SDK2: variants seen among roughly 807,000 people sequenced by gnomAD.
SDK2 encodes sidekick cell adhesion molecule 2.
SDK2 carries 105 observed loss-of-function variants against 253.9 expected under a neutral mutation model. The observed-to-expected ratio is 0.41, with a 90% confidence interval of 0.35 to 0.49. SDK2 has a LOEUF of 0.49. SDK2 is among the 20% of genes least tolerant of loss of function. The probability of loss-of-function intolerance (pLI) is 0.06; values close to 1 mark genes in which losing one functional copy is unlikely to be tolerated. For missense variants in SDK2, 2,608 were observed against 3,003.0 expected (o/e 0.87, Z 3.07); for synonymous variants, 1,249 against 1,234.9 (o/e 1.01, Z -0.24).
At chr17:73,560,861 G>A (rs2145851268) in intron 1 of SDK2, among the ~76,000 whole-genome samples, 1 of 152,310 alleles carries the variant, frequency 6.6e-6, no homozygotes, top group Middle Eastern at 3.4e-3. Flanking sequence ...GAGCACACAG[G>A]CTCCTCGACC....
chr17:73,564,832 A>G (rs1743128785), intron 1 of SDK2, among the ~76,000 whole-genome samples: 1 of 132,838 alleles, frequency 7.5e-6, no homozygotes, highest in Non-Finnish European at 1.6e-5. Flanking sequence ...CTGAAAAAAA[A>G]ACAAAAAACA....
At chr17:73,378,561 C>A (rs8069238) in intron 36 of SDK2, among the ~76,000 whole-genome samples, 25,673 of 151,688 alleles carry the variant, frequency 0.17, 3,884 homozygotes, top group African/African-American at 0.41. Flanking sequence ...CTGGGATTAC[C>A]GGTGCCTGCC....
At chr17:73,390,660 C>T (rs544764774) in intron 28 of SDK2, among the ~76,000 whole-genome samples, 179 bp from the exon 29 acceptor site, 45 of 152,340 alleles carry the variant, frequency 3.0e-4, no homozygotes, top group African/African-American at 1.0e-3. Context: ...CTTCAGCTGC[C>T]ACCTGGGGAG....
In SDK2 at chr17:73,609,236, G is replaced by A. The variant is rs1254067700; in HGVS notation, c.64+34789C>T. ...GTGTGAGAGATGGGTCTGGGCTGGA[G>A]GGAATACACATGGGTATCGCAGGCA... On this transcript the variant is annotated intron_variant, in intron 1 of 44. Transcript: ENST00000392650. This position sits in a 1 kb window ranked among gnomAD's most constrained non-coding sequence, Gnocchi z 4.4. Among the ~76,000 whole-genome samples the A allele has an allele frequency of 6.6e-6, 1 of 152,156 alleles. No homozygotes were observed. Among genetic ancestry groups the A allele is most frequent in the Non-Finnish European group, 1.5e-5 (1 of 68,032 alleles).
At chr17:73,505,816 A>G (rs918384521) in intron 2 of SDK2, among the ~76,000 whole-genome samples, 1 of 151,822 alleles carries the variant, frequency 6.6e-6, no homozygotes, top group African/African-American at 2.4e-5. Context: ...CCTCATCATC[A>G]TCATCATCAC....
rs542120475 is a variant in SDK2 at position 73,422,180 on chromosome 17, A to G, written c.2045+107T>C. ...TCCCCTTCTACAGAGGCGGAAGCCTAGAGGGGGCCAGGAGGAGCTGAGCCA... is the reference window on the plus strand; with the variant it reads ...TCCCCTTCTACAGAGGCGGAAGCCTGGAGGGGGCCAGGAGGAGCTGAGCCA... On this transcript the variant is annotated intron_variant, in intron 15 of 44. Coordinates refer to ENST00000392650, the MANE Select transcript of SDK2 (RefSeq NM_001144952.2). The G allele has an allele frequency of 7.1e-6, 9 of 1,264,604 alleles. No individual in the cohort carries two copies. In the South Asian group the frequency reaches 9.6e-5, roughly 14 times the overall value. 78.3% of individuals were successfully genotyped at this position (1,264,604 alleles called of 1,614,324 possible).
intron 3 of SDK2, among the ~76,000 whole-genome samples, chr17:73,457,289 C>A: frequency 2.6e-5 from 1 of 39,072 alleles, no homozygotes; most frequent in Non-Finnish European, 4.2e-5. Flanking sequence ...CTTCCTTCCC[C>A]CCTCCCTCCC....
chr17:73,361,116 T>G lies in SDK2; in HGVS notation c.5467+568A>C, dbSNP rs1010646936. Among the ~76,000 whole-genome samples the G allele has an allele frequency of 6.6e-6, 1 of 151,894 alleles. No individual in the cohort carries two copies. The highest frequency in any genetic ancestry group is 1.5e-5 in the Non-Finnish European group (1 of 67,960). On this transcript the variant is annotated intron_variant, in intron 39 of 44. Transcript: ENST00000392650. The surrounding 1 kb of genome is among the most constrained non-coding windows in gnomAD (Gnocchi z 4.1). Reference sequence around the variant, plus strand: ...ATAGGTGACCTGCTCCATCAGGTGTTTCTCAAGGTGCCACTTTGTCACGGC... The same window carrying G: ...ATAGGTGACCTGCTCCATCAGGTGTGTCTCAAGGTGCCACTTTGTCACGGC...
intron 1 of SDK2, among the ~76,000 whole-genome samples, chr17:73,638,935 A>G (rs1281896266): frequency 1.3e-5 from 2 of 151,076 alleles, no homozygotes; most frequent in African/African-American, 4.9e-5. Flanking sequence ...TCAGTCTCCC[A>G]AGTAGTTTGG....
rs143512878 is a variant in SDK2, at chr17:73,432,827, T to G, written c.1312+905A>C. Among the ~76,000 whole-genome samples the G allele has an allele frequency of 7.1e-3, 1,068 of 149,788 alleles. 13 individuals are homozygous for G. The highest frequency in any genetic ancestry group is 0.065 in the Middle Eastern group (19 of 292). On this transcript the variant is annotated intron_variant, in intron 10 of 44. Transcript: ENST00000392650. ...ATATGTGTGCACATGTGTATGTACG[T>G]GTGCATGTATGTGTGTGCATGTGTG...
intron 1 of SDK2, among the ~76,000 whole-genome samples, chr17:73,592,335 C>T (rs528290421): frequency 1.3e-5 from 2 of 152,206 alleles, no homozygotes; most frequent in Admixed American, 1.3e-4. Context: ...CAGGGTTACA[C>T]CTGTATGATC....
chr17:73,515,022 G>A (rs866257968), intron 1 of SDK2, among the ~76,000 whole-genome samples: 16 of 152,244 alleles, frequency 1.1e-4, no homozygotes, highest in Middle Eastern at 6.8e-3. Flanking sequence ...TCTTGCTGCT[G>A]CCTTTATTCC....
At chr17:73,626,400 C>T (rs188603290) in intron 1 of SDK2, among the ~76,000 whole-genome samples, 34 of 152,346 alleles carry the variant, frequency 2.2e-4, no homozygotes, top group African/African-American at 6.0e-4. Flanking sequence ...TGCACGGCGC[C>T]CAGCTATGCC....
chr17:73,569,783 G>T (rs2045358162), intron 1 of SDK2, among the ~76,000 whole-genome samples: 1 of 152,036 alleles, frequency 6.6e-6, no homozygotes, highest in Admixed American at 6.5e-5. Context: ...TGGTAGATGG[G>T]CGATGAGAAC....
intron 44 of SDK2, 63 bp from the exon 45 acceptor site, chr17:73,339,003 G>A: frequency 1.4e-6 from 2 of 1,434,112 alleles, no homozygotes; most frequent in East Asian, 2.3e-5. Flanking sequence ...TGTGGTTGGG[G>A]CCGGAAGGCA....
At chr17:73,438,221 G>A (rs2063386151) in intron 6 of SDK2, 67 bp from the exon 7 acceptor site, 1 of 1,448,300 alleles carries the variant, frequency 6.9e-7, no homozygotes. Context: ...AGGCAGGGCA[G>A]GGGGTGGTAA....
intron 2 of SDK2, among the ~76,000 whole-genome samples, chr17:73,494,284 G>A (rs997144216): frequency 6.6e-6 from 1 of 152,134 alleles, no homozygotes; most frequent in African/African-American, 2.4e-5. Context: ...TTTCCACTCA[G>A]GGCCACCATG....
At chr17:73,565,608 T>TA (rs57573644) in intron 1 of SDK2, among the ~76,000 whole-genome samples, 59,795 of 152,074 alleles carry the variant, frequency 0.39, 13,041 homozygotes, top group African/African-American at 0.6. Flanking sequence ...ATAAAAAGCA[T>TA]AAAAAGAACC....
intron 1 of SDK2, among the ~76,000 whole-genome samples, chr17:73,584,203 C>T (rs747358892): frequency 6.6e-6 from 1 of 152,176 alleles, no homozygotes; most frequent in Non-Finnish European, 1.5e-5. Context: ...GCCTGGCCGC[C>T]GGGACCTCGC....
Sources: allele counts gnomAD v4.1 joint callset (sites outside exome capture counted in the v4.1 genomes callset), GRCh38; gene constraint gnomAD v4.1.1; non-coding constraint Gnocchi (gnomAD v3.1); transcripts MANE v1.5; gene names NCBI Gene and HGNC (gene_info 2026-07-23, HGNC 2026-07-21).